The following KIAA0319L variants were observed in gnomAD, a reference collection of about 807,000 sequenced individuals.
KIAA0319L encodes dyslexia-associated protein KIAA0319-like protein.
In KIAA0319L, 55 loss-of-function variants were observed where a neutral mutation model predicts 120.1. The observed-to-expected ratio is 0.46, with a 90% confidence interval of 0.37 to 0.57. The LOEUF (loss-of-function observed/expected upper bound fraction) is 0.57, where lower values mean the gene tolerates loss of function less well. Among genes scored for constraint, KIAA0319L ranks in the 20% least tolerant of loss-of-function variants. The pLI is 0.00. For synonymous variants in KIAA0319L, 398 were observed against 471.9 expected, an observed-to-expected ratio of 0.84 and a Z score of 2.03; for missense variants, 1,049 against 1,255.3, an observed-to-expected ratio of 0.84 and a Z score of 2.48.
At chr1:35,450,328 G>A (rs775818333) in intron 14 of KIAA0319L, 30 bp downstream of exon 14, 7 of 1,602,462 alleles carry the variant, frequency 4.4e-6, no homozygotes, top group South Asian at 1.1e-5. Context: ...CCCCACTCCT[G>A]TGTAGCTCTC....
chr1:35,468,718 A>G (rs944555409), intron 6 of KIAA0319L, among the ~76,000 whole-genome samples: 1 of 152,178 alleles, frequency 6.6e-6, no homozygotes, highest in Non-Finnish European at 1.5e-5. Context: ...TTATCAAGTC[A>G]AACTCCGTAT....
chr1:35,513,288 A>ATATATATATATATATTTTTTT (rs1414704674), intron 2 of KIAA0319L, among the ~76,000 whole-genome samples: 1 of 85,338 alleles, frequency 1.2e-5, no homozygotes, highest in African/African-American at 4.3e-5. Context: ...ATATATATAT[A>ATATATATATATATATTTTTTT]TTTTTTTTTT....
At chr1:35,532,120 C>G (rs1006588569) in intron 2 of KIAA0319L, among the ~76,000 whole-genome samples, 1 of 151,622 alleles carries the variant, frequency 6.6e-6, no homozygotes, top group African/African-American at 2.4e-5. Context: ...ATTAGCCGGG[C>G]GTGGTGGTAG....
chr1:35,460,826 T>G (rs1015365001), intron 8 of KIAA0319L, among the ~76,000 whole-genome samples: 2 of 152,238 alleles, frequency 1.3e-5, no homozygotes, highest in African/African-American at 4.8e-5. Flanking sequence ...ACACATTATA[T>G]TGGTAAAGGT....
intron 2 of KIAA0319L, among the ~76,000 whole-genome samples, chr1:35,551,490 T>C (rs1312183484): frequency 6.6e-6 from 1 of 152,114 alleles, no homozygotes; most frequent in East Asian, 1.9e-4. Flanking sequence ...GCTAATTTTT[T>C]GTATTTTTAG....
intron 2 of KIAA0319L, among the ~76,000 whole-genome samples, chr1:35,522,426 C>T (rs540451255): frequency 9.2e-5 from 14 of 151,966 alleles, no homozygotes; most frequent in Admixed American, 8.5e-4. Context: ...ATTACAGGCA[C>T]GCACCACCAC....
At chr1:35,502,455 T>C (rs969390654) in intron 3 of KIAA0319L, among the ~76,000 whole-genome samples, 2 of 151,576 alleles carry the variant, frequency 1.3e-5, no homozygotes, top group Admixed American at 1.3e-4. Context: ...ATCATCATCA[T>C]CATCACCATC....
rs1266082644 is a variant in KIAA0319L, at chr1:35,443,044, A to G, written c.2657-16T>C. The G allele has an allele frequency of 3.1e-6, 5 of 1,614,094 alleles. No homozygotes were observed. The highest frequency in any genetic ancestry group is 4.2e-6 in the Non-Finnish European group (5 of 1,180,002). ...AGCTGACATGCTGAGAGTGGCAGCA[A>G]AGGGAAGAAAGTCAACAAGACTCAG... is the stretch of plus-strand genomic sequence containing the variant. On this transcript the variant is annotated splice_polypyrimidine_tract_variant and intron_variant, in intron 17 of 20. Coordinates refer to ENST00000325722, the MANE Select transcript of KIAA0319L (RefSeq NM_024874.5).
At chr1:35,489,045 A>G (rs1237126092) in intron 3 of KIAA0319L, among the ~76,000 whole-genome samples, 2 of 152,252 alleles carry the variant, frequency 1.3e-5, no homozygotes, top group African/African-American at 4.8e-5. Context: ...ATGAGCATCA[A>G]GTTCTGAGAC....
At chr1:35,525,512 T>C (rs2148454095) in intron 2 of KIAA0319L, among the ~76,000 whole-genome samples, 1 of 152,334 alleles carries the variant, frequency 6.6e-6, no homozygotes, top group Non-Finnish European at 1.5e-5. Context: ...CCAGCATCTG[T>C]TCTTTTTTGC....
At position 35,515,860 on chromosome 1, in the gene KIAA0319L, T is replaced by G. The variant is rs1013388972; in HGVS notation, c.143-8725A>C. Among the ~76,000 whole-genome samples the G allele has an allele frequency of 1.5e-4, 23 of 151,928 alleles. 1 individual carries two copies. The highest frequency in any genetic ancestry group is 1.4e-3 in the Admixed American group (22 of 15,238). ...TCCAAATAAACACAATTAGAAATGA[T>G]GAAGAGGATGTTACCACTGACCGCC... On this transcript the variant is annotated intron_variant, in intron 2 of 20. Coordinates refer to ENST00000325722, the MANE Select transcript of KIAA0319L (RefSeq NM_024874.5).
chr1:35,515,998 C>T (rs1645663769), intron 2 of KIAA0319L, among the ~76,000 whole-genome samples: 2 of 151,962 alleles, frequency 1.3e-5, no homozygotes, highest in South Asian at 4.2e-4. Flanking sequence ...AAGATTGAAC[C>T]AAGAAGAAAC....
intron 3 of KIAA0319L, among the ~76,000 whole-genome samples, chr1:35,481,814 C>CTTTTTTTTTTTTTT: frequency 2.0e-5 from 1 of 48,948 alleles, no homozygotes; most frequent in Non-Finnish European, 3.7e-5. Context: ...TCTGCTGTTT[C>CTTTTTTTTTTTTTT]TTTTTTTTTT....
chr1:35,477,688 A>C (rs1643959804), intron 4 of KIAA0319L, among the ~76,000 whole-genome samples: 1 of 144,688 alleles, frequency 6.9e-6, no homozygotes. Flanking sequence ...AAAAAAAAAA[A>C]CCTACAGTGA....
intron 3 of KIAA0319L, among the ~76,000 whole-genome samples, chr1:35,487,728 C>T (rs939226159): frequency 6.6e-6 from 1 of 152,238 alleles, no homozygotes; most frequent in Non-Finnish European, 1.5e-5. Flanking sequence ...ATATCTGCCA[C>T]CTGGTTCCCC....
In KIAA0319L at chr1:35,453,752, T is replaced by C. The variant is rs1401556408; in HGVS notation, c.1781-63A>G. 1.2e-5 allele frequency: 19 copies of C among 1,522,716 alleles called. No homozygotes were observed. The Admixed American group carries it at 2.0e-4, about 16-fold the overall frequency. The allele number at this position is 1,522,716 out of a possible 1,614,324, so 94.3% of individuals were successfully genotyped here. A position where few individuals can be genotyped will look rare whatever the true frequency, so the allele number is the denominator to read the frequency against. ...CCAGGTGGGAAAGGAGAGGAACCAATTGGGACACATGTTCTGGAAGCCATG... is the reference window on the plus strand; with the variant it reads ...CCAGGTGGGAAAGGAGAGGAACCAACTGGGACACATGTTCTGGAAGCCATG... On this transcript the variant is annotated intron_variant, in intron 11 of 20. Transcript: ENST00000325722. The surrounding 1 kb of genome is among the most constrained non-coding windows in gnomAD (Gnocchi z 4.1).
At chr1:35,526,384 CATACAT>C (rs1395054221) in intron 2 of KIAA0319L, among the ~76,000 whole-genome samples, 1 of 110,836 alleles carries the variant, frequency 9.0e-6, no homozygotes. Context: ...TATATATATA[CATACAT>C]ATATATATAT....
chr1:35,542,108 C>T (rs933408411), intron 2 of KIAA0319L, among the ~76,000 whole-genome samples: 2 of 152,184 alleles, frequency 1.3e-5, no homozygotes, highest in African/African-American at 4.8e-5. Context: ...AACCCTCCTG[C>T]CTGCTGGGTC....
At chr1:35,557,660 G>A (rs553722725), upstream of KIAA0319L, 1 of 457,332 alleles carries the variant, frequency 2.2e-6, no homozygotes, top group South Asian at 1.5e-5. Context: ...ATACCCACAA[G>A]CAAGATGGCG....
Sources: allele counts gnomAD v4.1 joint callset (sites outside exome capture counted in the v4.1 genomes callset), GRCh38; gene constraint gnomAD v4.1.1; non-coding constraint Gnocchi (gnomAD v3.1); transcripts MANE v1.5; gene names NCBI Gene and HGNC (gene_info 2026-07-23, HGNC 2026-07-21).